Variants in CCDC141 observed in about 807,000 individuals in gnomAD.
CCDC141 encodes the protein coiled-coil domain containing 141, also known as coiled-coil domain-containing protein 141.
CCDC141 carries 168 observed loss-of-function variants against 181.0 expected under a neutral mutation model. The ratio of observed to expected loss-of-function variants is 0.93; its 90% CI spans 0.82 to 1.05. The LOEUF (loss-of-function observed/expected upper bound fraction) is 1.05. CCDC141 is among the 50% of genes least tolerant of loss of function. CCDC141 has a pLI of 0.00. For synonymous variants in CCDC141, 666 were observed against 642.3 expected, an observed-to-expected ratio of 1.04 and a Z score of -0.56; for missense variants, 1,902 against 1,788.5, an observed-to-expected ratio of 1.06 and a Z score of -1.14.
At position 178,982,728 on chromosome 2, in the gene CCDC141, A is replaced by G. The variant is rs1691485302; in HGVS notation, c.226-4053T>C. Among the ~76,000 whole-genome samples, 2 of 152,148 alleles carry G rather than the reference A, an allele frequency of 1.3e-5. 1 individual carries two copies. Among genetic ancestry groups the G allele is most frequent in the South Asian group, 4.2e-4 (2 of 4,804 alleles). On this transcript the variant is annotated intron_variant, in intron 2 of 23. Coordinates refer to ENST00000443758, the MANE Select transcript of CCDC141 (RefSeq NM_173648.4). Reference sequence around the variant, plus strand: ...CAGACGGCACCTGGAGAATCGGGTCACTCCCACCCGAATACTGAGCTTTTC... The same window carrying G: ...CAGACGGCACCTGGAGAATCGGGTCGCTCCCACCCGAATACTGAGCTTTTC...
chr2:179,025,960 T>A (rs145125037), intron 2 of CCDC141, among the ~76,000 whole-genome samples: 2,558 of 152,338 alleles, frequency 0.017, 35 homozygotes, highest in Non-Finnish European at 0.025. Flanking sequence ...TTAGGGTATC[T>A]GGCAGAAGAA....
intron 3 of CCDC141, 139 bp from the exon 4 acceptor site, chr2:178,975,304 G>A (rs954281215): frequency 3.8e-6 from 2 of 521,970 alleles, no homozygotes; most frequent in African/African-American, 3.8e-5. Context: ...ATGTTTGTAT[G>A]TGTTTGTGTG....
chr2:179,034,922 G>C (rs1380993194), intron 2 of CCDC141, among the ~76,000 whole-genome samples: 1 of 151,986 alleles, frequency 6.6e-6, no homozygotes, highest in Non-Finnish European at 1.5e-5. Flanking sequence ...TGATTTCCAC[G>C]TAAATTGCAA....
At chr2:178,899,270 G>A (rs989104716) in intron 8 of CCDC141, among the ~76,000 whole-genome samples, 1 of 152,152 alleles carries the variant, frequency 6.6e-6, no homozygotes, top group Non-Finnish European at 1.5e-5. Context: ...GTAGGTATGT[G>A]TGTAAGATGT....
chr2:178,876,508 G>A (rs1031737408), intron 12 of CCDC141: 7 of 152,150 alleles, frequency 4.6e-5, no homozygotes, highest in African/African-American at 1.7e-4. Flanking sequence ...TACTAGGTAG[G>A]TAAACCTTCT....
At chr2:178,925,596 T>C (rs777389868) in intron 6 of CCDC141, among the ~76,000 whole-genome samples, 1 of 152,252 alleles carries the variant, frequency 6.6e-6, no homozygotes, top group Non-Finnish European at 1.5e-5. Flanking sequence ...CCAAGATTTG[T>C]GTATTCCAAG....
chr2:178,933,129 T>A (rs75812453), intron 6 of CCDC141, among the ~76,000 whole-genome samples: 2 of 152,300 alleles, frequency 1.3e-5, no homozygotes, highest in African/African-American at 4.8e-5. Context: ...GAAGATGGTT[T>A]TAATCTTGAG....
chr2:178,927,803 C>A (rs1688964990), intron 6 of CCDC141, among the ~76,000 whole-genome samples: 2 of 151,750 alleles, frequency 1.3e-5, no homozygotes, highest in African/African-American at 2.4e-5. Context: ...CCATTTCTCC[C>A]AGAAATGAGG....
At chr2:178,908,011 A>G (rs1459356451) in intron 7 of CCDC141, among the ~76,000 whole-genome samples, 1 of 152,144 alleles carries the variant, frequency 6.6e-6, no homozygotes, top group Non-Finnish European at 1.5e-5. Context: ...AAAAATAAAA[A>G]AAAAAATAAA....
At chr2:179,005,784 AT>A (rs957987540) in intron 2 of CCDC141, among the ~76,000 whole-genome samples, 1 of 151,932 alleles carries the variant, frequency 6.6e-6, no homozygotes, top group Admixed American at 6.6e-5. Context: ...TAATGTTTGT[AT>A]TTTTTTGTAG....
At chr2:178,935,003 G>A (rs747357595) in intron 6 of CCDC141, among the ~76,000 whole-genome samples, 3 of 152,144 alleles carry the variant, frequency 2.0e-5, no homozygotes, top group Non-Finnish European at 4.4e-5. Context: ...CAAGAAATTA[G>A]ATTGTTGAAA....
intron 23 of CCDC141, among the ~76,000 whole-genome samples, chr2:178,834,762 A>G (rs533063980): frequency 3.8e-4 from 58 of 151,296 alleles, no homozygotes; most frequent in Non-Finnish European, 6.6e-4. Context: ...TATTTTTTTT[A>G]AGAGATAGGA....
intron 2 of CCDC141, among the ~76,000 whole-genome samples, chr2:179,045,609 C>G (rs1008536043): frequency 4.0e-5 from 6 of 151,594 alleles, no homozygotes; most frequent in African/African-American, 1.5e-4. Flanking sequence ...AATGGTTGAA[C>G]TAGTTTACAG....
At chr2:178,871,386 AT>A (rs753920550) in intron 14 of CCDC141, 40 bp downstream of exon 14, 1 of 1,590,626 alleles carries the variant, frequency 6.3e-7, no homozygotes, top group East Asian at 2.3e-5. Context: ...AGTTTTAAGT[AT>A]TTTTTCCATT....
rs540389737 is a variant in CCDC141, at chr2:178,987,557, G to A, written c.226-8882C>T. ...ACCTACAACATGGGAGAAAATTTTCGCAACCTACTCATCTGACAAAGGGCT... is the reference window on the plus strand; with the variant it reads ...ACCTACAACATGGGAGAAAATTTTCACAACCTACTCATCTGACAAAGGGCT... On this transcript the variant is annotated intron_variant, in intron 2 of 23. Coordinates refer to ENST00000443758, the MANE Select transcript of CCDC141 (RefSeq NM_173648.4). Among the ~76,000 whole-genome samples, 1,180 of 151,404 alleles carry A rather than the reference G, an allele frequency of 7.8e-3. 15 individuals are homozygous for A. Among genetic ancestry groups the A allele is most frequent in the African/African-American group, 0.026 (1,057 of 41,210 alleles).
Position 178,829,923 on chromosome 2 carries a change from C to T in CCDC141, c.*4250G>A, listed in dbSNP as rs1042209801. On this transcript the variant is annotated 3_prime_UTR_variant, in exon 24 of 24. Coordinates refer to ENST00000443758, the MANE Select transcript of CCDC141 (RefSeq NM_173648.4). ...GCAGAACAAAATAAGATATTCTTTC[C>T]TTTCTTCATTTGGAATTCAAATACT... 2.0e-5 allele frequency: 3 copies of T among 152,096 alleles called. No homozygotes were observed. Among genetic ancestry groups the T allele is most frequent in the Non-Finnish European group, 4.4e-5 (3 of 68,008 alleles). The allele number at this position is 152,096 out of a possible 1,614,324, so 9.4% of individuals were successfully genotyped here.
At chr2:178,868,749 T>C (rs1255194832) in intron 15 of CCDC141, among the ~76,000 whole-genome samples, 1 of 152,070 alleles carries the variant, frequency 6.6e-6, no homozygotes, top group Non-Finnish European at 1.5e-5. Flanking sequence ...ATGCAAGATA[T>C]GTGGAATACA....
intron 22 of CCDC141, among the ~76,000 whole-genome samples, chr2:178,843,156 G>T (rs142682176): frequency 6.6e-6 from 1 of 152,156 alleles, no homozygotes; most frequent in Non-Finnish European, 1.5e-5. Flanking sequence ...TTATGTATAC[G>T]CAATAGTTCC....
chr2:178,884,043 AGAT>A (rs1299661294), intron 11 of CCDC141, among the ~76,000 whole-genome samples: 1 of 152,222 alleles, frequency 6.6e-6, no homozygotes, highest in Non-Finnish European at 1.5e-5. Flanking sequence ...ATGGTTTAGA[AGAT>A]GACTGTTTTG....
Sources: allele counts gnomAD v4.1 joint callset (sites outside exome capture counted in the v4.1 genomes callset), GRCh38; gene constraint gnomAD v4.1.1; transcripts MANE v1.5; gene names NCBI Gene and HGNC (gene_info 2026-07-23, HGNC 2026-07-21).